The following ZBBX variants were observed in gnomAD, a reference collection of about 807,000 sequenced individuals.
ZBBX encodes zinc finger B-box domain containing.
ZBBX carries 101 observed loss-of-function variants against 108.5 expected under a neutral mutation model. The observed-to-expected ratio is 0.93, with a 90% CI of 0.79 to 1.10. The LOEUF (loss-of-function observed/expected upper bound fraction) is 1.10, where lower values mean the gene tolerates loss of function less well. Among genes scored for constraint, ZBBX ranks in the 50% least tolerant of loss-of-function variants. The pLI is 0.00. For missense variants in ZBBX, 1,009 were observed against 941.4 expected, an observed-to-expected ratio of 1.07 and a Z score of -0.94; for synonymous variants, 356 against 323.4, an observed-to-expected ratio of 1.10 and a Z score of -1.08.
At chr3:167,366,222 G>T (rs1745292770) in intron 5 of ZBBX, among the ~76,000 whole-genome samples, 1 of 151,822 alleles carries the variant, frequency 6.6e-6, no homozygotes, top group Non-Finnish European at 1.5e-5. Context: ...CACAAATGAA[G>T]AATTCTATTT....
At chr3:167,356,363 T>C (rs1743570177) in intron 8 of ZBBX, among the ~76,000 whole-genome samples, 1 of 152,080 alleles carries the variant, frequency 6.6e-6, no homozygotes. Flanking sequence ...CATTTAATAT[T>C]GTTATTAGCT....
chr3:167,273,150 T>G (rs1726851947), intron 20 of ZBBX, among the ~76,000 whole-genome samples: 1 of 152,196 alleles, frequency 6.6e-6, no homozygotes, highest in African/African-American at 2.4e-5. Context: ...TGCCATCTCT[T>G]CTATACCTAA....
At chr3:167,348,206 GA>G (rs1467205920) in intron 9 of ZBBX, among the ~76,000 whole-genome samples, 1 of 61,110 alleles carries the variant, frequency 1.6e-5, no homozygotes, top group Non-Finnish European at 3.1e-5. Flanking sequence ...AAGAAGGAAG[GA>G]AGGAAGGAAG....
chr3:167,293,111 T>C (rs549273108), intron 18 of ZBBX, among the ~76,000 whole-genome samples: 2 of 152,316 alleles, frequency 1.3e-5, no homozygotes, highest in African/African-American at 4.8e-5. Context: ...AGCCGAATTC[T>C]ACCAGAGGTA....
chr3:167,286,382 T>C (rs979961478), intron 19 of ZBBX, among the ~76,000 whole-genome samples: 1 of 152,146 alleles, frequency 6.6e-6, no homozygotes, highest in African/African-American at 2.4e-5. Flanking sequence ...GACAATAGAA[T>C]GGCATGATAC....
At chr3:167,298,248 C>T (rs1732008041) in intron 18 of ZBBX, 57 bp downstream of exon 18, 4 of 1,362,330 alleles carry the variant, frequency 2.9e-6, no homozygotes, top group South Asian at 3.2e-5. Context: ...AACAGAATTG[C>T]TCAGTATTTC....
At chr3:167,407,511 A>T (rs994359655) in intron 1 of ZBBX, among the ~76,000 whole-genome samples, 1 of 152,146 alleles carries the variant, frequency 6.6e-6, no homozygotes, top group African/African-American at 2.4e-5. Flanking sequence ...AAACTTAAGT[A>T]CTAATAGCCT....
chr3:167,227,118 C>T, the ZBBX span, among the ~76,000 whole-genome samples: 1 of 151,716 alleles, frequency 6.6e-6, no homozygotes, highest in Admixed American at 6.6e-5. Context: ...TCTATAAATA[C>T]TTATTATATT....
chr3:167,396,361 A>G (rs180802670), intron 1 of ZBBX, among the ~76,000 whole-genome samples: 87 of 152,118 alleles, frequency 5.7e-4, no homozygotes, highest in African/African-American at 2.1e-3. Context: ...TATGCTGTGC[A>G]ACTCCTAGGG....
chr3:167,308,068 A>G (rs895134292), intron 16 of ZBBX, among the ~76,000 whole-genome samples: 4 of 152,214 alleles, frequency 2.6e-5, no homozygotes, highest in East Asian at 1.9e-4. Context: ...CATGAATTCA[A>G]CAGAGCTCTA....
chr3:167,382,741 A>T (rs1018726075), upstream of ZBBX, among the ~76,000 whole-genome samples: 1 of 152,138 alleles, frequency 6.6e-6, no homozygotes, highest in South Asian at 2.1e-4. Context: ...TTTCTAAAAA[A>T]AAGTGTTGCT....
the ZBBX span, among the ~76,000 whole-genome samples, chr3:167,204,832 G>C: frequency 6.6e-6 from 1 of 151,922 alleles, no homozygotes; most frequent in Non-Finnish European, 1.5e-5. Context: ...GGGAGAGAAT[G>C]TCTTTGTTTA....
intron 21 of ZBBX, 24 bp downstream of exon 21, chr3:167,242,481 A>G (rs780234139): frequency 6.3e-7 from 1 of 1,578,088 alleles, no homozygotes; most frequent in Non-Finnish European, 8.6e-7. Flanking sequence ...CTATATTAAT[A>G]AATAAACTGC....
At chr3:167,294,231 T>C (rs1271334475) in intron 18 of ZBBX, among the ~76,000 whole-genome samples, 1 of 152,178 alleles carries the variant, frequency 6.6e-6, no homozygotes, top group Non-Finnish European at 1.5e-5. Context: ...AGAGCCCGCA[T>C]GGCCAAGACA....
the ZBBX span, among the ~76,000 whole-genome samples, chr3:167,184,886 TGTCA>T: frequency 4.6e-5 from 7 of 152,230 alleles, no homozygotes; most frequent in African/African-American, 1.7e-4. Flanking sequence ...CCCAAATTAT[TGTCA>T]GTATCATCAA....
At chr3:167,205,961 G>A in the ZBBX span, among the ~76,000 whole-genome samples, 9 of 151,974 alleles carry the variant, frequency 5.9e-5, no homozygotes, top group African/African-American at 2.2e-4. Flanking sequence ...AATACTTAAC[G>A]ATCAATCATC....
chr3:167,355,216 A>C (rs1022159597), intron 8 of ZBBX, among the ~76,000 whole-genome samples: 1 of 152,002 alleles, frequency 6.6e-6, no homozygotes, highest in Non-Finnish European at 1.5e-5. Flanking sequence ...TGCCATCAAT[A>C]TATGTAAATG....
the ZBBX span, among the ~76,000 whole-genome samples, chr3:167,230,564 T>C: frequency 6.6e-6 from 1 of 151,778 alleles, no homozygotes; most frequent in Non-Finnish European, 1.5e-5. Context: ...TAAAGGGACA[T>C]TCATTCAAGA....
chr3:167,288,094 G>T (rs1730029037), intron 19 of ZBBX, among the ~76,000 whole-genome samples: 1 of 151,832 alleles, frequency 6.6e-6, no homozygotes, highest in Non-Finnish European at 1.5e-5. Context: ...TTATCCTCGG[G>T]GCCAATCCAA....
Sources: gnomAD v4.1 joint callset for allele counts (sites outside exome capture counted in the v4.1 genomes callset) on GRCh38, gnomAD v4.1.1 for gene constraint, MANE v1.5 for transcripts, NCBI Gene and HGNC (gene_info 2026-07-23, HGNC 2026-07-21) for gene names.